The following PANK4 variants were observed in gnomAD, a reference collection of about 807,000 sequenced individuals.
The protein encoded by PANK4 is 4'-phosphopantetheine phosphatase.
PANK4 carries 40 observed loss-of-function variants against 87.9 expected under a neutral mutation model. The ratio of observed to expected loss-of-function variants is 0.46; its 90% CI spans 0.35 to 0.59. The LOEUF (loss-of-function observed/expected upper bound fraction) is 0.59, where lower values mean the gene tolerates loss of function less well. PANK4 is among the 20% of genes least tolerant of loss of function. The pLI, the probability that PANK4 is intolerant of heterozygous loss-of-function variation, is 0.00. For synonymous variants in PANK4, 524 were observed against 467.4 expected (o/e 1.12, Z -1.56); for missense variants, 926 against 1,072.3 (o/e 0.86, Z 1.90).
At chr1:2,523,352 C>T (rs899005331) in intron 1 of PANK4, among the ~76,000 whole-genome samples, 3 of 152,184 alleles carry the variant, frequency 2.0e-5, no homozygotes, top group Non-Finnish European at 4.4e-5. Flanking sequence ...CCCTCCCCTG[C>T]CCCCAGTGCT....
Position 2,515,391 on chromosome 1 carries a change from G to A in PANK4, c.1374+171C>T, listed in dbSNP as rs550357098. 1.4e-4 allele frequency: 102 copies of A among 736,090 alleles called. 1 individual carries two copies. The highest frequency in any genetic ancestry group is 4.1e-4 in the South Asian group (28 of 67,834). The allele number at this position is 736,090 out of a possible 1,614,324, so 45.6% of individuals were successfully genotyped here. On this transcript the variant is annotated intron_variant, in intron 10 of 18. Transcript: ENST00000378466. The surrounding 1 kb of genome is among the most constrained non-coding windows in gnomAD (Gnocchi z 5.0). ...ACTGACCCACCAGGTGGCCAGGAGC[G>A]GTATTTTTGCCTGAGAAACCAAAAT...
In PANK4 at chr1:2,513,917, C is replaced by G. The variant is rs1488807398; in HGVS notation, c.1575+85G>C. On this transcript the variant is annotated intron_variant, in intron 12 of 18. Transcript: ENST00000378466. ...TGGCCTCAGACAGGACAGGATGCCC[C>G]GAGCCAGCGGGACAGAGACAGGACA... 6 of 1,035,948 alleles carry G rather than the reference C, an allele frequency of 5.8e-6. No individual in the cohort carries two copies. In the Admixed American group the frequency reaches 6.8e-5, roughly 12 times the overall value. 64.2% of individuals were successfully genotyped at this position (1,035,948 alleles called of 1,614,324 possible).
chr1:2,515,471 C>G lies in PANK4; in HGVS notation c.1374+91G>C. ...GTTTCTGGACAACACTGGCCTGTCC[C>G]CCTTCGCCACCTTGGCTTTGCCCCC... On this transcript the variant is annotated intron_variant, in intron 10 of 18. Coordinates refer to ENST00000378466, the MANE Select transcript of PANK4 (RefSeq NM_018216.4). This position sits in a 1 kb window ranked among gnomAD's most constrained non-coding sequence, Gnocchi z 5.0. 7.2e-7 allele frequency: 1 copy of G among 1,384,498 alleles called. No individual in the cohort carries two copies. The highest frequency in any genetic ancestry group is 1.0e-6 in the Non-Finnish European group (1 of 976,800). The allele number at this position is 1,384,498 out of a possible 1,614,324, so 85.8% of individuals were successfully genotyped here.
intron 1 of PANK4, among the ~76,000 whole-genome samples, chr1:2,522,314 G>A (rs1006469870): frequency 1.3e-5 from 2 of 152,186 alleles, no homozygotes; most frequent in African/African-American, 4.8e-5. Flanking sequence ...AAACGGTGCC[G>A]CTGGCTACTC....
At chr1:2,521,419 A>G (rs1643874368) in intron 2 of PANK4, 104 bp from the exon 3 acceptor site, 1 of 968,122 alleles carries the variant, frequency 1.0e-6, no homozygotes, top group Admixed American at 1.7e-5. Context: ...CCAGCCTTCA[A>G]CCAGGCGGCG....
chr1:2,511,248 G>T, intron 15 of PANK4, 90 bp downstream of exon 15: 1 of 863,550 alleles, frequency 1.2e-6, no homozygotes, highest in South Asian at 1.4e-5. Flanking sequence ...AGGGCCACCC[G>T]AGGCAGCCCA....
chr1:2,510,372 G>A lies in PANK4; in HGVS notation c.1939-215C>T. 3.4e-6 allele frequency: 2 copies of A among 595,854 alleles called. No homozygotes were observed. The highest frequency in any genetic ancestry group is 4.0e-5 in the South Asian group (2 of 50,504). The allele number at this position is 595,854 out of a possible 1,614,324, so 36.9% of individuals were successfully genotyped here. ...GCCGAGGGGCAGAGCTGAGTTTAGA[G>A]CCTGCCCCTGGGACCTGCCTGTCTG... On this transcript the variant is annotated intron_variant, in intron 16 of 18. Transcript: ENST00000378466. This position sits in a 1 kb window ranked among gnomAD's most constrained non-coding sequence, Gnocchi z 4.9.
intron 9 of PANK4, chr1:2,516,008 G>C: frequency 2.0e-6 from 1 of 511,214 alleles, no homozygotes; most frequent in East Asian, 3.5e-5. Context: ...CACCGCTGCA[G>C]TCACCCTCCC....
chr1:2,512,076 C>A (rs1643671243), intron 13 of PANK4, among the ~76,000 whole-genome samples: 1 of 152,208 alleles, frequency 6.6e-6, no homozygotes, highest in African/African-American at 2.4e-5. Flanking sequence ...GCCACGGGGC[C>A]AGGGAAGCCT....
intron 1 of PANK4, among the ~76,000 whole-genome samples, chr1:2,524,389 G>C (rs1282002079): frequency 6.6e-6 from 1 of 152,238 alleles, no homozygotes; most frequent in Non-Finnish European, 1.5e-5. Context: ...ACCCCACCCT[G>C]AGCGTGGCCT....
Position 2,521,699 on chromosome 1 carries a change from G to C in PANK4, c.207+19C>G, listed in dbSNP as rs984879021. 2.5e-6 allele frequency: 4 copies of C among 1,597,172 alleles called. No homozygotes were observed. Among genetic ancestry groups the C allele is most frequent in the Non-Finnish European group, 3.4e-6 (4 of 1,164,966 alleles). On this transcript the variant is annotated intron_variant, in intron 2 of 18. Coordinates refer to ENST00000378466, the MANE Select transcript of PANK4 (RefSeq NM_018216.4). Reference sequence around the variant, plus strand: ...GAGAAGCGGCTGCCCTGCCCCGGGTGGCCACAGTGCAGGCTCACCTTTCCG... The same window carrying C: ...GAGAAGCGGCTGCCCTGCCCCGGGTCGCCACAGTGCAGGCTCACCTTTCCG...
chr1:2,514,407 C>T lies in PANK4; in HGVS notation c.1434G>A (p.Glu478=). 4 of 1,612,388 alleles carry T rather than the reference C, an allele frequency of 2.5e-6. No individual in the cohort carries two copies. The highest frequency in any genetic ancestry group is 3.4e-6 in the Non-Finnish European group (4 of 1,179,906). ...TGTTCCAGTACTTCTGCCGGAACTT[C>T]TCCGCCCTCTCGGCTGCATCCACAG... ...PDSVDAAERA[E]KFRQKYWNKL... is the part of the protein sequence containing the mutation. Residue 478 remains glutamate (E), a synonymous_variant, in exon 11 of 19, where the codon GAG becomes GAA. Transcript: ENST00000378466.
Position 2,512,948 on chromosome 1 carries a change from G to A in PANK4, c.1667C>T (p.Ala556Val), listed in dbSNP as rs745873482. 17 of 1,612,482 alleles carry A rather than the reference G, an allele frequency of 1.1e-5. No homozygotes were observed. Among genetic ancestry groups the A allele is most frequent in the Admixed American group, 1.7e-5 (1 of 59,988 alleles). The stretch of plus-strand genomic sequence containing the variant: ...CCCCGCCAGGAGGCCTTTCACCAGC[G>A]CCAGCTGCCGTTCCTCCCAGCCCAG... ...DALGWEERQL[A>V]LVKGLLAGNV... The change falls in exon 13 of 19, where the codon GCG becomes GTG. Residue 556 changes from alanine (A) to valine (V), a missense_variant. By Grantham distance (64) the Ala-to-Val change is moderately conservative. Coordinates refer to ENST00000378466, the MANE Select transcript of PANK4 (RefSeq NM_018216.4).
At position 2,510,402 on chromosome 1, in the gene PANK4, G is replaced by C. The variant is rs1643641172; in HGVS notation, c.1939-245C>G. 1 of 480,472 alleles carries C rather than the reference G, an allele frequency of 2.1e-6. No homozygotes were observed. 29.8% of individuals were successfully genotyped at this position (480,472 alleles called of 1,614,324 possible). Reference sequence around the variant, plus strand: ...CCCCTGGGACCTGCCTGTCTGTGAAGTCACAGCCCCAAAGCCTCCTTGCTG... The same window carrying C: ...CCCCTGGGACCTGCCTGTCTGTGAACTCACAGCCCCAAAGCCTCCTTGCTG... On this transcript the variant is annotated intron_variant, in intron 16 of 18. Transcript: ENST00000378466. This position sits in a 1 kb window ranked among gnomAD's most constrained non-coding sequence, Gnocchi z 4.9.
At chr1:2,512,512 A>T in intron 13 of PANK4, 1 of 210,432 alleles carries the variant, frequency 4.8e-6, no homozygotes, top group Non-Finnish European at 9.6e-6. Context: ...AGTCTAGGGG[A>T]CTGCTTTGCA....
At chr1:2,516,881 T>A (rs568458030) in intron 9 of PANK4, among the ~76,000 whole-genome samples, 1 of 152,222 alleles carries the variant, frequency 6.6e-6, no homozygotes, top group African/African-American at 2.4e-5. Flanking sequence ...TTTTGGACAA[T>A]ATAAACTGAA....
intron 13 of PANK4, among the ~76,000 whole-genome samples, chr1:2,511,991 G>A (rs542545189): frequency 5.9e-5 from 9 of 152,230 alleles, no homozygotes; most frequent in Admixed American, 2.6e-4. Flanking sequence ...AACATGCTGC[G>A]ATCCGCAGAA....
In PANK4 at chr1:2,520,971, G is replaced by C; in HGVS notation, c.423-65C>G. The C allele has an allele frequency of 6.5e-7, 1 of 1,532,032 alleles. No homozygotes were observed. The highest frequency in any genetic ancestry group is 2.3e-5 in the East Asian group (1 of 44,118). The allele number at this position is 1,532,032 out of a possible 1,614,324, so 94.9% of individuals were successfully genotyped here. On this transcript the variant is annotated intron_variant, in intron 3 of 18. Coordinates refer to ENST00000378466, the MANE Select transcript of PANK4 (RefSeq NM_018216.4). This position sits in a 1 kb window ranked among gnomAD's most constrained non-coding sequence, Gnocchi z 6.2. ...CAGACAGGTGCAACCATGCAAGCCT[G>C]CCTGGTCCGAAGGGGCAGCCATGCC...
chr1:2,510,636 G>T lies in PANK4; in HGVS notation c.1938+42C>A, dbSNP rs758374486. On this transcript the variant is annotated intron_variant, in intron 16 of 18. Transcript: ENST00000378466. The surrounding 1 kb of genome is among the most constrained non-coding windows in gnomAD (Gnocchi z 4.9). Reference sequence around the variant, plus strand: ...CGGCGCCAACCCCACCGAGAGCAGAGAAGCCCAGGGGAAGGGCCCCACCCA... The same window carrying T: ...CGGCGCCAACCCCACCGAGAGCAGATAAGCCCAGGGGAAGGGCCCCACCCA... 5.0e-6 allele frequency: 6 copies of T among 1,211,432 alleles called. No homozygotes were observed. Among genetic ancestry groups the T allele is most frequent in the Non-Finnish European group, 4.9e-6 (4 of 820,104 alleles). The allele number at this position is 1,211,432 out of a possible 1,614,324, so 75.0% of individuals were successfully genotyped here. A position where few individuals can be genotyped will look rare whatever the true frequency, so the allele number is the denominator to read the frequency against.
Sources: allele counts gnomAD v4.1 joint callset (sites outside exome capture counted in the v4.1 genomes callset), GRCh38; gene constraint gnomAD v4.1.1; non-coding constraint Gnocchi (gnomAD v3.1); transcripts MANE v1.5; gene names NCBI Gene and HGNC (gene_info 2026-07-23, HGNC 2026-07-21).